Variants in ZHX2 observed in about 807,000 individuals in gnomAD.
The protein encoded by ZHX2 is zinc fingers and homeoboxes 2.
A neutral mutation model predicts 21.9 loss-of-function variants in ZHX2; 6 were observed. That is an observed-to-expected ratio of 0.27 (90% CI 0.15 to 0.54). The LOEUF is 0.54. Among genes scored for constraint, ZHX2 ranks in the 20% least tolerant of loss-of-function variants. ZHX2 has a pLI of 0.95. For missense variants in ZHX2, 908 were observed against 1,090.7 expected (o/e 0.83, Z 2.36); for synonymous variants, 434 against 437.1 (o/e 0.99, Z 0.09).
intron 2 of ZHX2, among the ~76,000 whole-genome samples, chr8:122,898,844 C>T (rs748971876): frequency 5.3e-5 from 8 of 152,240 alleles, no homozygotes; most frequent in South Asian, 2.1e-4. Flanking sequence ...TGGAGAGTGG[C>T]GTGCTGGGAT....
intron 2 of ZHX2, among the ~76,000 whole-genome samples, chr8:122,890,480 C>G (rs1819950826): frequency 6.6e-6 from 1 of 151,986 alleles, no homozygotes; most frequent in South Asian, 2.1e-4. Context: ...GGATTTTTTT[C>G]TATTTCTGTG....
At chr8:122,818,522 T>G (rs1818077628) in intron 1 of ZHX2, among the ~76,000 whole-genome samples, 1 of 152,102 alleles carries the variant, frequency 6.6e-6, no homozygotes, top group Non-Finnish European at 1.5e-5. Flanking sequence ...CCCCTCAGAT[T>G]AGGCTCTGTC....
chr8:122,936,187 G>A (rs1315955302), intron 2 of ZHX2, among the ~76,000 whole-genome samples: 4 of 152,222 alleles, frequency 2.6e-5, no homozygotes, highest in Admixed American at 6.5e-5. Context: ...GATTGCTGGC[G>A]ATGAGTGCCT....
At chr8:122,843,930 T>C (rs1438000551) in intron 1 of ZHX2, among the ~76,000 whole-genome samples, 1 of 151,042 alleles carries the variant, frequency 6.6e-6, no homozygotes, top group Non-Finnish European at 1.5e-5. Flanking sequence ...TGAGAGCTTT[T>C]TCTACACTTC....
At position 122,953,609 on chromosome 8, in the gene ZHX2, C is replaced by T. The variant is rs781585047; in HGVS notation, c.2099C>T (p.Ala700Val). 2 of 1,614,174 alleles carry T rather than the reference C, an allele frequency of 1.2e-6. No individual in the cohort carries two copies. The highest frequency in any genetic ancestry group is 1.7e-5 in the Admixed American group (1 of 60,030). ...WMEQYQHQPMADDHGYDAVAR... is the reference protein window; with the variant it reads ...WMEQYQHQPMVDDHGYDAVAR... ...GAGCAGTACCAGCACCAGCCCATGG[C>T]AGATGATCACGGCTACGATGCCGTA... Residue 700 changes from alanine to valine, a missense_variant, in exon 3 of 4, where the codon GCA (alanine) becomes GTA (valine). By Grantham distance (64) the Ala-to-Val change is moderately conservative. This residue lies in a region of ZHX2 where 431 missense variants were observed against 428.6 expected (regional missense o/e 1.01). Transcript: ENST00000314393. The surrounding 1 kb of genome is among the most constrained non-coding windows in gnomAD (Gnocchi z 4.6).
At chr8:122,891,650 G>T (rs192449752) in intron 2 of ZHX2, among the ~76,000 whole-genome samples, 75 of 152,234 alleles carry the variant, frequency 4.9e-4, no homozygotes, top group Middle Eastern at 6.8e-3. Flanking sequence ...CTCAAGAAAT[G>T]TGTCAATTTC....
chr8:122,935,937 C>T (rs1044176492), intron 2 of ZHX2, among the ~76,000 whole-genome samples: 1 of 152,122 alleles, frequency 6.6e-6, no homozygotes, highest in Non-Finnish European at 1.5e-5. Flanking sequence ...GTCTCCCCTC[C>T]TAGATGGTAG....
At chr8:122,960,151 G>T (rs1488639039) in intron 3 of ZHX2, among the ~76,000 whole-genome samples, 1 of 152,146 alleles carries the variant, frequency 6.6e-6, no homozygotes, top group Non-Finnish European at 1.5e-5. Flanking sequence ...AATGAAAGTT[G>T]CTACACTGAC....
intron 2 of ZHX2, among the ~76,000 whole-genome samples, chr8:122,899,059 T>C (rs1193459566): frequency 1.3e-5 from 2 of 152,192 alleles, no homozygotes; most frequent in South Asian, 2.1e-4. Flanking sequence ...TCAACAGCCA[T>C]GGAACACCTA....
At chr8:122,920,294 A>G (rs1820706917) in intron 2 of ZHX2, among the ~76,000 whole-genome samples, 1 of 152,060 alleles carries the variant, frequency 6.6e-6, no homozygotes. Flanking sequence ...CAAAAAAAAA[A>G]TTCAAATTGA....
At chr8:122,879,009 G>T (rs1259755295) in intron 2 of ZHX2, among the ~76,000 whole-genome samples, 1 of 152,080 alleles carries the variant, frequency 6.6e-6, no homozygotes, top group Non-Finnish European at 1.5e-5. Context: ...GGGACCTACT[G>T]CACTCTTCGT....
intron 2 of ZHX2, among the ~76,000 whole-genome samples, chr8:122,887,162 C>T (rs550211876): frequency 1.3e-5 from 2 of 150,678 alleles, no homozygotes; most frequent in African/African-American, 2.4e-5. Flanking sequence ...GATGTGAGCA[C>T]GTGTGAGTGT....
chr8:122,852,818 A>G (rs1818933282), intron 1 of ZHX2, among the ~76,000 whole-genome samples: 1 of 152,040 alleles, frequency 6.6e-6, no homozygotes, highest in Non-Finnish European at 1.5e-5. Flanking sequence ...TTGCCATGCT[A>G]TCATTTGCTA....
chr8:122,860,866 C>T (rs1311881479), intron 1 of ZHX2, among the ~76,000 whole-genome samples: 1 of 151,922 alleles, frequency 6.6e-6, no homozygotes, highest in African/African-American at 2.4e-5. Flanking sequence ...AACCCGATCT[C>T]TACTAAAAAT....
chr8:122,888,661 T>C (rs1302765110), intron 2 of ZHX2, among the ~76,000 whole-genome samples: 1 of 152,238 alleles, frequency 6.6e-6, no homozygotes, highest in Non-Finnish European at 1.5e-5. Context: ...TTTTGTATTC[T>C]TAATAGAGAC....
intron 2 of ZHX2, among the ~76,000 whole-genome samples, chr8:122,927,106 CA>C (rs779795478): frequency 3.6e-4 from 55 of 152,180 alleles, no homozygotes; most frequent in Non-Finnish European, 6.9e-4. Context: ...TGTAGCCTCA[CA>C]AGCTAGTACA....
At position 122,878,843 on chromosome 8, in the gene ZHX2, A is replaced by T. The variant is rs149403492; in HGVS notation, c.-220+15304A>T. Among the ~76,000 whole-genome samples the T allele has an allele frequency of 2.1e-3, 325 of 152,284 alleles. 1 individual carries two copies. The highest frequency in any genetic ancestry group is 7.7e-3 in the African/African-American group (318 of 41,568). ...AAAGATGTGCTTGAGATATTCATATAATTTCTTCTGCTCTAAGAACCATGA... is the reference window on the plus strand; with the variant it reads ...AAAGATGTGCTTGAGATATTCATATTATTTCTTCTGCTCTAAGAACCATGA... On this transcript the variant is annotated intron_variant, in intron 2 of 3. Coordinates refer to ENST00000314393, the MANE Select transcript of ZHX2 (RefSeq NM_014943.5).
At chr8:122,912,047 G>C (rs1014094319) in intron 2 of ZHX2, among the ~76,000 whole-genome samples, 3 of 152,280 alleles carry the variant, frequency 2.0e-5, no homozygotes, top group Non-Finnish European at 4.4e-5. Flanking sequence ...AGGCACTCAG[G>C]GTTCTAAGTT....
chr8:122,970,453 C>G (rs553126494), intron 3 of ZHX2, among the ~76,000 whole-genome samples: 1 of 152,116 alleles, frequency 6.6e-6, no homozygotes, highest in African/African-American at 2.4e-5. Context: ...GCCAGCAGCC[C>G]GTGGGCTCTG....
Sources: allele counts gnomAD v4.1 joint callset (sites outside exome capture counted in the v4.1 genomes callset), GRCh38; gene constraint gnomAD v4.1.1; regional missense constraint gnomAD v4.1.1; non-coding constraint Gnocchi (gnomAD v3.1); transcripts MANE v1.5; gene names NCBI Gene and HGNC (gene_info 2026-07-23, HGNC 2026-07-21).